PCNX2: variants seen among roughly 807,000 people sequenced by gnomAD.
The protein encoded by PCNX2 is pecanex-like protein 2.
Under a neutral mutation model 223.8 loss-of-function variants are expected in PCNX2, and 168 were observed. That is an observed-to-expected ratio of 0.75 (90% CI 0.66 to 0.85). The LOEUF (loss-of-function observed/expected upper bound fraction) is 0.85. Ranked by LOEUF, PCNX2 falls within the 40% of genes least tolerant of loss-of-function variation. The pLI is 0.00. For missense variants in PCNX2, 2,507 were observed against 2,675.5 expected (o/e 0.94, Z 1.39); for synonymous variants, 1,006 against 1,052.6 (o/e 0.96, Z 0.86).
chr1:233,223,919 G>C (rs1254263301), intron 10 of PCNX2, among the ~76,000 whole-genome samples: 5 of 152,096 alleles, frequency 3.3e-5, no homozygotes, highest in African/African-American at 4.8e-5. Flanking sequence ...CCCCAGAAAA[G>C]CCTTTGCCAA....
chr1:233,048,071 A>G (rs1371829558), intron 25 of PCNX2, among the ~76,000 whole-genome samples: 1 of 152,218 alleles, frequency 6.6e-6, no homozygotes, highest in Non-Finnish European at 1.5e-5. Flanking sequence ...TTAAAACCAC[A>G]TACTTACATA....
the PCNX2 span, among the ~76,000 whole-genome samples, chr1:233,303,819 A>G: frequency 6.6e-6 from 1 of 152,052 alleles, no homozygotes; most frequent in Non-Finnish European, 1.5e-5. Flanking sequence ...TAGTGTTTAT[A>G]TGGTTATATA....
In PCNX2 at chr1:232,986,249, G is replaced by C; in HGVS notation, c.6083C>G (p.Thr2028Ser). 6.4e-7 allele frequency: 1 copy of C among 1,560,136 alleles called. No homozygotes were observed. The highest frequency in any genetic ancestry group is 8.7e-7 in the Non-Finnish European group (1 of 1,152,244). Residue 2028 changes from threonine (T) to serine (S), a missense_variant, in exon 33 of 34, where the codon ACC becomes AGC. Physicochemically the swap from Thr to Ser is moderately conservative, Grantham distance 58. Around this residue, in one of 3 missense-constraint regions of PCNX2, gnomAD observed 1,372 missense variants for 1,509.4 expected, o/e 0.91. Transcript: ENST00000258229. ...RSSLGSSTSS[T>S]LSFLFGKRSF... Reference sequence around the variant, plus strand: ...CCTCTTGCCGAAGAGGAAGCTCAGGGTGGAGCTGGTGGAGGAGCCCAGGCT... The same window carrying C: ...CCTCTTGCCGAAGAGGAAGCTCAGGCTGGAGCTGGTGGAGGAGCCCAGGCT...
rs1301679843 is a variant in PCNX2 at position 233,258,304 on chromosome 1, T to G, written c.1558A>C (p.Lys520Gln). Residue 520 changes from lysine (K) to glutamine (Q), a missense_variant, in exon 5 of 34, where the codon AAG (lysine) becomes CAG (glutamine). Around this residue, in one of 3 missense-constraint regions of PCNX2, gnomAD observed 1,031 missense variants for 1,021.7 expected, o/e 1.01. Coordinates refer to ENST00000258229, the MANE Select transcript of PCNX2 (RefSeq NM_014801.4). Reference sequence around the variant, plus strand: ...GCATGCCTCTTTTCATGGCTGGACTTACAAGACGATGGGTCAAGGTTAGTC... The same window carrying G: ...GCATGCCTCTTTTCATGGCTGGACTGACAAGACGATGGGTCAAGGTTAGTC... Reference protein sequence around the residue: ...GQTNLDPSSCKSSHEKRHARV... With the variant: ...GQTNLDPSSCQSSHEKRHARV... 1 of 1,614,054 alleles carries G rather than the reference T, an allele frequency of 6.2e-7. No individual in the cohort carries two copies. Among genetic ancestry groups the G allele is most frequent in the Non-Finnish European group, 8.5e-7 (1 of 1,179,892 alleles).
At chr1:233,189,285 T>C (rs556391456) in intron 15 of PCNX2, among the ~76,000 whole-genome samples, 68 of 152,306 alleles carry the variant, frequency 4.5e-4, no homozygotes, top group African/African-American at 1.6e-3. Flanking sequence ...AAGGGGCAAA[T>C]GAGAAGACAC....
intron 15 of PCNX2, among the ~76,000 whole-genome samples, chr1:233,191,514 T>C (rs1572049334): frequency 1.3e-5 from 2 of 152,044 alleles, no homozygotes; most frequent in African/African-American, 4.8e-5. Context: ...AAGTGTCCAA[T>C]AAAATATTCA....
In PCNX2 at chr1:233,020,603, C is replaced by T. The variant is rs1437987921; in HGVS notation, c.4606-3449G>A. ...AGGCGGGCCTGGCAGGCAGGCCAACCTGTCGGGTTGTTCGCGCCTCATTCT... is the reference window on the plus strand; with the variant it reads ...AGGCGGGCCTGGCAGGCAGGCCAACTTGTCGGGTTGTTCGCGCCTCATTCT... On this transcript the variant is annotated intron_variant, in intron 26 of 33. Coordinates refer to ENST00000258229, the MANE Select transcript of PCNX2 (RefSeq NM_014801.4). 3.3e-5 allele frequency among the ~76,000 whole-genome samples: 5 copies of T among 152,238 alleles called. No individual in the cohort carries two copies. The East Asian group carries it at 7.7e-4, about 23-fold the overall frequency.
At chr1:233,006,062 T>C (rs902396510) in intron 28 of PCNX2, among the ~76,000 whole-genome samples, 1 of 152,156 alleles carries the variant, frequency 6.6e-6, no homozygotes, top group Non-Finnish European at 1.5e-5. Context: ...TGTGTAATCA[T>C]GTGTTAGGGG....
At chr1:233,153,169 T>C (rs981895774) in intron 19 of PCNX2, among the ~76,000 whole-genome samples, 3 of 152,334 alleles carry the variant, frequency 2.0e-5, no homozygotes, top group Admixed American at 2.0e-4. Flanking sequence ...GGCTACACAC[T>C]ACAAACTATC....
intron 9 of PCNX2, among the ~76,000 whole-genome samples, chr1:233,234,129 C>G (rs907962243): frequency 1.3e-5 from 2 of 152,194 alleles, no homozygotes; most frequent in African/African-American, 4.8e-5. Context: ...AGTCTTTTCA[C>G]CATTGTATAC....
At chr1:233,279,964 G>A (rs1332802159) in intron 1 of PCNX2, among the ~76,000 whole-genome samples, 1 of 152,044 alleles carries the variant, frequency 6.6e-6, no homozygotes, top group African/African-American at 2.4e-5. Context: ...TCTTATTAAC[G>A]TTTTATCTTT....
Position 233,016,908 on chromosome 1 carries a change from C to T in PCNX2, c.4839+13G>A. 2 of 1,590,832 alleles carry T rather than the reference C, an allele frequency of 1.3e-6. No homozygotes were observed. Among genetic ancestry groups the T allele is most frequent in the South Asian group, 2.2e-5 (2 of 90,576 alleles). ...TTACATTCCATGCCTCAGCCCCCACCTCCCTGACCTACCTCTTGTCTTTTC... is the reference window on the plus strand; with the variant it reads ...TTACATTCCATGCCTCAGCCCCCACTTCCCTGACCTACCTCTTGTCTTTTC... On this transcript the variant is annotated intron_variant, in intron 27 of 33. Transcript: ENST00000258229.
chr1:233,258,895 C>A lies in PCNX2; in HGVS notation c.967G>T (p.Val323Leu), dbSNP rs1185217412. ...PQCDTIVAKP[V>L]EEPADTSCQV... is the part of the protein sequence containing the mutation. The stretch of plus-strand genomic sequence containing the variant: ...CAGGATGTGTCTGCTGGCTCCTCCA[C>A]AGGCTTGGCCACGATGGTGTCACAT... Residue 323 changes from valine to leucine, a missense_variant, in exon 5 of 34, where the codon GTG (valine) becomes TTG (leucine). Physicochemically the swap from Val to Leu is conservative, Grantham distance 32. This residue lies in a region of PCNX2 where 1,031 missense variants were observed against 1,021.7 expected (regional missense o/e 1.01). Transcript: ENST00000258229. The A allele has an allele frequency of 1.2e-6, 2 of 1,613,812 alleles. No individual in the cohort carries two copies. The highest frequency in any genetic ancestry group is 1.3e-5 in the African/African-American group (1 of 74,910).
intron 19 of PCNX2, among the ~76,000 whole-genome samples, chr1:233,152,574 G>C (rs572337116): frequency 1.4e-4 from 22 of 152,266 alleles, no homozygotes; most frequent in Non-Finnish European, 1.0e-4. Context: ...ACATTTGAAA[G>C]CATTTTTACA....
intron 25 of PCNX2, among the ~76,000 whole-genome samples, chr1:233,051,425 C>G (rs1340238173): frequency 6.6e-6 from 1 of 152,106 alleles, no homozygotes; most frequent in African/African-American, 2.4e-5. Context: ...TTCACAATAG[C>G]AATGACATGG....
chr1:233,161,181 G>T, intron 18 of PCNX2, 90 bp downstream of exon 18: 1 of 1,198,672 alleles, frequency 8.3e-7, no homozygotes, highest in Non-Finnish European at 1.2e-6. Flanking sequence ...TCTGGCTCAC[G>T]TGTCTTGTCA....
rs758211650 is a variant in PCNX2, at chr1:233,179,057, A to G, written c.3176+9T>C. On this transcript the variant is annotated intron_variant, in intron 16 of 33. Coordinates refer to ENST00000258229, the MANE Select transcript of PCNX2 (RefSeq NM_014801.4). Reference sequence around the variant, plus strand: ...CAGTGATGAGAGAGCACAGGCATAGACCACTCACATGAGTACAGATGGGTC... The same window carrying G: ...CAGTGATGAGAGAGCACAGGCATAGGCCACTCACATGAGTACAGATGGGTC... 4.3e-6 allele frequency: 7 copies of G among 1,612,490 alleles called. No individual in the cohort carries two copies. The South Asian group carries it at 7.7e-5, about 18-fold the overall frequency.
Position 233,160,123 on chromosome 1 carries a change from C to A in PCNX2, c.3517+160G>T, listed in dbSNP as rs560536225. On this transcript the variant is annotated intron_variant, in intron 19 of 33. Coordinates refer to ENST00000258229, the MANE Select transcript of PCNX2 (RefSeq NM_014801.4). ...TCTAAGGTACACGTTCTCCTTTTTT[C>A]TTTTTTATTGTGGTAAAATACACAT... is the stretch of plus-strand genomic sequence containing the variant. The A allele has an allele frequency of 2.1e-4, 155 of 754,730 alleles. No homozygotes were observed. In the South Asian group the frequency reaches 3.4e-3, roughly 16 times the overall value. The allele number at this position is 754,730 out of a possible 1,614,324, so 46.8% of individuals were successfully genotyped here. A position where few individuals can be genotyped will look rare whatever the true frequency, so the allele number is the denominator to read the frequency against.
intron 25 of PCNX2, chr1:233,033,280 G>A: frequency 1.2e-6 from 1 of 806,752 alleles, no homozygotes; most frequent in Non-Finnish European, 1.5e-6. Flanking sequence ...TAATCTAAAA[G>A]GTATACATAG....
Sources: gnomAD v4.1 joint callset for allele counts (sites outside exome capture counted in the v4.1 genomes callset) on GRCh38, gnomAD v4.1.1 for gene constraint, gnomAD v4.1.1 regional missense constraint, MANE v1.5 for transcripts, NCBI Gene and HGNC (gene_info 2026-07-23, HGNC 2026-07-21) for gene names.